Variants in B3GALT5 observed in about 807,000 individuals in gnomAD.
B3GALT5 encodes the protein UDP-Gal:betaGlcNAc beta 1,3-galactosyltransferase, polypeptide 5.
For synonymous variants in B3GALT5, 156 were observed against 158.6 expected (o/e 0.98, Z 0.12); for missense variants, 328 against 396.6 (o/e 0.83, Z 1.47).
At position 39,669,439 on chromosome 21, in the gene B3GALT5, T is replaced by C. The variant is rs2079608051; in HGVS notation, c.*7947T>C. ...ATTTATTCATCTGTTGAGTGCTCAG[T>C]GCTTTGACCGGGCATCCTGAATGAG... On this transcript the variant is annotated 3_prime_UTR_variant, in exon 4 of 4. Transcript: ENST00000684187. The C allele has an allele frequency of 6.6e-6, 1 of 152,206 alleles. No homozygotes were observed. Among genetic ancestry groups the C allele is most frequent in the Admixed American group, 6.5e-5 (1 of 15,286 alleles). The allele number at this position is 152,206 out of a possible 1,614,324, so 9.4% of individuals were successfully genotyped here. A position where few individuals can be genotyped will look rare whatever the true frequency, so the allele number is the denominator to read the frequency against.
chr21:39,617,300 G>C (rs1016354352), intron 1 of B3GALT5, among the ~76,000 whole-genome samples: 1 of 152,184 alleles, frequency 6.6e-6, no homozygotes, highest in Admixed American at 6.5e-5. Flanking sequence ...GACATAGCTT[G>C]TATTACTCCA....
At chr21:39,630,086 C>T (rs762797277) in intron 1 of B3GALT5, among the ~76,000 whole-genome samples, 3 of 152,108 alleles carry the variant, frequency 2.0e-5, no homozygotes, top group Non-Finnish European at 2.9e-5. Context: ...ACGGTCCTAG[C>T]GTATTCTCTA....
At position 39,668,068 on chromosome 21, in the gene B3GALT5, G is replaced by C. The variant is rs1163953524; in HGVS notation, c.*6576G>C. On this transcript the variant is annotated 3_prime_UTR_variant, in exon 4 of 4. Transcript: ENST00000684187. ...GGCTGAATGCATGGGCTGCTATCGC[G>C]ATGTTGTATCTAATGGCCTGCAGTG... 2 of 152,268 alleles carry C rather than the reference G, an allele frequency of 1.3e-5. No homozygotes were observed. Among genetic ancestry groups the C allele is most frequent in the African/African-American group, 2.4e-5 (1 of 41,474 alleles). The allele number at this position is 152,268 out of a possible 1,614,324, so 9.4% of individuals were successfully genotyped here.
chr21:39,615,412 G>A (rs142211988), intron 1 of B3GALT5, among the ~76,000 whole-genome samples: 134 of 152,314 alleles, frequency 8.8e-4, no homozygotes, highest in African/African-American at 3.0e-3. Context: ...TGAGTATCGT[G>A]CAGGTGCAGT....
chr21:39,643,724 T>C (rs2079311369), intron 1 of B3GALT5, among the ~76,000 whole-genome samples: 1 of 152,166 alleles, frequency 6.6e-6, no homozygotes, highest in Non-Finnish European at 1.5e-5. Flanking sequence ...CTTTTTATTA[T>C]GTGTGCTTAA....
rs1479380440 is a variant in B3GALT5 at position 39,666,179 on chromosome 21, C to T, written c.*4687C>T. 2 of 152,330 alleles carry T rather than the reference C, an allele frequency of 1.3e-5. No individual in the cohort carries two copies. The highest frequency in any genetic ancestry group is 4.8e-5 in the African/African-American group (2 of 41,464). The allele number at this position is 152,330 out of a possible 1,614,324, so 9.4% of individuals were successfully genotyped here. On this transcript the variant is annotated 3_prime_UTR_variant, in exon 4 of 4. Coordinates refer to ENST00000684187, the MANE Select transcript of B3GALT5 (RefSeq NM_001356336.2). ...CACAGCCATGCTCTTCACCCCTTTT[C>T]TTCCAAAACGGAAAACCTCACACAA...
In B3GALT5 at chr21:39,637,181, G is replaced by A. The variant is rs772223559; in HGVS notation, c.-391-9211G>A. ...GTTTTCCGAGTCCTAAAACAGAGGA[G>A]CACTGTTGGTTCCTCCCTTTTCCTT... On this transcript the variant is annotated intron_variant, in intron 1 of 3. Transcript: ENST00000684187. Among the ~76,000 whole-genome samples, 66 of 152,226 alleles carry A rather than the reference G, an allele frequency of 4.3e-4. 1 individual carries two copies. The highest frequency in any genetic ancestry group is 1.0e-3 in the Admixed American group (16 of 15,288).
chr21:39,648,815 G>A (rs754921940), intron 2 of B3GALT5, among the ~76,000 whole-genome samples: 10 of 152,066 alleles, frequency 6.6e-5, no homozygotes, highest in Admixed American at 2.0e-4. Flanking sequence ...AGGGTGGAGC[G>A]CTCGTGATGA....
At chr21:39,637,476 G>A (rs2079236626) in intron 1 of B3GALT5, among the ~76,000 whole-genome samples, 2 of 152,232 alleles carry the variant, frequency 1.3e-5, no homozygotes, top group South Asian at 2.1e-4. Context: ...TAAGGCTTAC[G>A]ACGTTTTCAA....
At chr21:39,657,731 AT>A (rs2079461856) in intron 2 of B3GALT5, 1 of 616,046 alleles carries the variant, frequency 1.6e-6, no homozygotes, top group African/African-American at 1.9e-5. Flanking sequence ...CTTTTGATTA[AT>A]CTACCTATCA....
intron 1 of B3GALT5, among the ~76,000 whole-genome samples, chr21:39,628,205 A>G (rs1041320430): frequency 6.6e-6 from 1 of 152,248 alleles, no homozygotes; most frequent in African/African-American, 2.4e-5. Context: ...AGGGGAAATG[A>G]TGAACCAAAT....
At chr21:39,645,504 A>G (rs546178906) in intron 1 of B3GALT5, among the ~76,000 whole-genome samples, 2 of 152,290 alleles carry the variant, frequency 1.3e-5, no homozygotes, top group South Asian at 4.2e-4. Flanking sequence ...TCACATCTGG[A>G]AAATAACCAG....
intron 1 of B3GALT5, among the ~76,000 whole-genome samples, chr21:39,617,843 A>T (rs1465293792): frequency 6.6e-6 from 1 of 152,192 alleles, no homozygotes; most frequent in African/African-American, 2.4e-5. Flanking sequence ...GGAAGCCAGA[A>T]GATCGGATAC....
intron 2 of B3GALT5, among the ~76,000 whole-genome samples, chr21:39,659,109 A>G (rs1176166567): frequency 6.6e-6 from 1 of 152,090 alleles, no homozygotes; most frequent in African/African-American, 2.4e-5. Context: ...GTATGGTGGC[A>G]TGCGCCTGTG....
intron 1 of B3GALT5, among the ~76,000 whole-genome samples, chr21:39,643,818 C>T (rs1431464493): frequency 3.3e-5 from 5 of 152,142 alleles, no homozygotes; most frequent in African/African-American, 9.7e-5. Flanking sequence ...CCTACCTTCC[C>T]GCAGCTCCTC....
chr21:39,660,793 G>T lies in B3GALT5; in HGVS notation c.234G>T (p.Gln78His). The change falls in exon 4 of 4, where the codon CAG (glutamine) becomes CAT (histidine). Residue 78 changes from glutamine (Q) to histidine (H), a missense_variant. By Grantham distance (24) the Gln-to-His change is conservative. Transcript: ENST00000684187. ...KQLAERMAIR[Q>H]TWGKERMVKG... ...TGGCTGAGCGCATGGCCATCCGGCAGACGTGGGGGAAAGAGAGGATGGTGA... is the reference window on the plus strand; with the variant it reads ...TGGCTGAGCGCATGGCCATCCGGCATACGTGGGGGAAAGAGAGGATGGTGA... The T allele has an allele frequency of 6.3e-7, 1 of 1,578,016 alleles. No individual in the cohort carries two copies. The highest frequency in any genetic ancestry group is 8.6e-7 in the Non-Finnish European group (1 of 1,162,536).
intron 1 of B3GALT5, among the ~76,000 whole-genome samples, chr21:39,618,549 A>G (rs2079118597): frequency 6.6e-6 from 1 of 152,198 alleles, no homozygotes; most frequent in African/African-American, 2.4e-5. Flanking sequence ...AGTAAAACTA[A>G]TCATCTGTTT....
chr21:39,645,388 C>G (rs2079327593), intron 1 of B3GALT5, among the ~76,000 whole-genome samples: 1 of 152,224 alleles, frequency 6.6e-6, no homozygotes, highest in African/African-American at 2.4e-5. Context: ...AGGAAATTCT[C>G]CTATCCTGGT....
intron 1 of B3GALT5, among the ~76,000 whole-genome samples, chr21:39,636,488 CT>C (rs1051076862): frequency 4.6e-5 from 7 of 152,212 alleles, no homozygotes; most frequent in Admixed American, 2.6e-4. Flanking sequence ...TCCAACCCCC[CT>C]GTTGTTGCTT....
Sources: allele counts gnomAD v4.1 joint callset (sites outside exome capture counted in the v4.1 genomes callset), GRCh38; gene constraint gnomAD v4.1.1; transcripts MANE v1.5; gene names NCBI Gene and HGNC (gene_info 2026-07-23, HGNC 2026-07-21).